Variants in CAMKK2 observed in about 807,000 individuals in gnomAD.
The protein encoded by CAMKK2 is calcium/calmodulin-dependent protein kinase kinase 2.
In CAMKK2, 30 loss-of-function variants were observed where a neutral mutation model predicts 67.2. That is an observed-to-expected ratio of 0.45 (90% CI 0.33 to 0.61). CAMKK2 has a LOEUF of 0.61. Among genes scored for constraint, CAMKK2 ranks in the 20% least tolerant of loss-of-function variants. The pLI, the probability that CAMKK2 is intolerant of heterozygous loss-of-function variation, is 0.02. For synonymous variants in CAMKK2, 322 were observed against 326.2 expected, an observed-to-expected ratio of 0.99 and a Z score of 0.14; for missense variants, 643 against 802.0, an observed-to-expected ratio of 0.80 and a Z score of 2.39.
chr12:121,244,351 T>C (rs1888975518), intron 16 of CAMKK2, among the ~76,000 whole-genome samples: 1 of 152,174 alleles, frequency 6.6e-6, no homozygotes, highest in African/African-American at 2.4e-5. Flanking sequence ...TGGAGCGCCA[T>C]GCACCCGCAG....
At chr12:121,263,379 C>T (rs1319269699) in intron 6 of CAMKK2, among the ~76,000 whole-genome samples, 1 of 152,112 alleles carries the variant, frequency 6.6e-6, no homozygotes, top group Non-Finnish European at 1.5e-5. Context: ...AGAGTGCTGT[C>T]ATTATAAGCG....
chr12:121,255,222 A>ATATATATAAAATTATATATATATAAT (rs1555250767), intron 9 of CAMKK2, among the ~76,000 whole-genome samples: 4 of 17,490 alleles, frequency 2.3e-4, no homozygotes, highest in East Asian at 1.3e-3. Context: ...ATATAATTTT[A>ATATATATAAAATTATATATATATAAT]TATATATATA....
Position 121,253,287 on chromosome 12 carries a change from T to C in CAMKK2, c.1093A>G (p.Ile365Val), listed in dbSNP as rs755340866. ...CCCAAGCTTACCTTCCCAGAGAAGA[T>C]CTTGCGGGTCTCAGAGAGCGACTCG... ...APESLSETRK[I>V]FSGKALDVWA... Residue 365 changes from isoleucine (I) to valine (V), a missense_variant, in exon 10 of 17, where the codon ATC becomes GTC. Ile to Val is a conservative substitution (Grantham distance 29, BLOSUM62 3). Coordinates refer to ENST00000404169, the MANE Select transcript of CAMKK2 (RefSeq NM_001270485.2). The surrounding 1 kb of genome is among the most constrained non-coding windows in gnomAD (Gnocchi z 5.0). 3.7e-6 allele frequency: 6 copies of C among 1,614,128 alleles called. No individual in the cohort carries two copies. Among genetic ancestry groups the C allele is most frequent in the South Asian group, 3.3e-5 (3 of 91,084 alleles).
chr12:121,255,220 TTA>T lies in CAMKK2; in HGVS notation c.907+328_907+329del, dbSNP rs1172075691. Reference sequence around the variant, plus strand: ...TATATATATAATTATATATATAATTTTATATATATATAATTTTATATATATAT... The same window carrying T: ...TATATATATAATTATATATATAATTTTATATATATAATTTTATATATATAT... On this transcript the variant is annotated intron_variant, in intron 9 of 16. Coordinates refer to ENST00000404169, the MANE Select transcript of CAMKK2 (RefSeq NM_001270485.2). Among the ~76,000 whole-genome samples the T allele has an allele frequency of 1.7e-3, 10 of 5,852 alleles. 2 individuals carry two copies. The highest frequency in any genetic ancestry group is 0.018 in the South Asian group (1 of 56). The allele number at this position is 5,852 out of a possible 152,430, so 3.8% of individuals were successfully genotyped here. A position where few individuals can be genotyped will look rare whatever the true frequency, so the allele number is the denominator to read the frequency against.
chr12:121,244,406 G>C (rs1888993168), intron 16 of CAMKK2, among the ~76,000 whole-genome samples, 167 bp downstream of exon 16: 1 of 152,224 alleles, frequency 6.6e-6, no homozygotes, highest in African/African-American at 2.4e-5. Flanking sequence ...AAGCCCCCGA[G>C]GCCCCTCATT....
In CAMKK2 at chr12:121,239,007, C is replaced by A. The variant is rs201485999; in HGVS notation, c.*1692G>T. The A allele has an allele frequency of 6.6e-6, 1 of 152,550 alleles. No individual in the cohort carries two copies. Among genetic ancestry groups the A allele is most frequent in the Non-Finnish European group, 1.5e-5 (1 of 68,064 alleles). The allele number at this position is 152,550 out of a possible 1,614,324, so 9.4% of individuals were successfully genotyped here. ...CTACCTGTCCTTTGCTCTTCAAAACCAGCATTCCCTAATTCTGAACTGCTT... is the reference window on the plus strand; with the variant it reads ...CTACCTGTCCTTTGCTCTTCAAAACAAGCATTCCCTAATTCTGAACTGCTT... On this transcript the variant is annotated 3_prime_UTR_variant, in exon 17 of 17. Coordinates refer to ENST00000404169, the MANE Select transcript of CAMKK2 (RefSeq NM_001270485.2).
chr12:121,289,373 G>A (rs1162420601), intron 1 of CAMKK2, among the ~76,000 whole-genome samples: 2 of 152,102 alleles, frequency 1.3e-5, no homozygotes, highest in East Asian at 1.9e-4. Context: ...AGCAGCCAGG[G>A]GTCTTCCCTA....
intron 5 of CAMKK2, among the ~76,000 whole-genome samples, chr12:121,268,238 C>T (rs1895043919): frequency 6.6e-6 from 1 of 151,690 alleles, no homozygotes; most frequent in Non-Finnish European, 1.5e-5. Flanking sequence ...CATACAAGCT[C>T]CTAGGTGAAC....
chr12:121,257,568 A>C (rs1480308284), intron 7 of CAMKK2, among the ~76,000 whole-genome samples: 1 of 152,096 alleles, frequency 6.6e-6, no homozygotes, highest in Non-Finnish European at 1.5e-5. Flanking sequence ...GTTGTTTCAA[A>C]GCTCTCCAAG....
chr12:121,270,538 C>G (rs1334594491), intron 3 of CAMKK2, among the ~76,000 whole-genome samples: 1 of 152,112 alleles, frequency 6.6e-6, no homozygotes, highest in Non-Finnish European at 1.5e-5. Context: ...TTGTTTTCTA[C>G]TGGCATTTGG....
chr12:121,264,810 A>AATAATC (rs1241003532), intron 5 of CAMKK2, among the ~76,000 whole-genome samples: 1 of 147,462 alleles, frequency 6.8e-6, no homozygotes, highest in Non-Finnish European at 1.5e-5. Flanking sequence ...TAATAATAAT[A>AATAATC]ATCACAAAAA....
chr12:121,246,990 G>A (rs547320374), intron 14 of CAMKK2, among the ~76,000 whole-genome samples: 56 of 152,096 alleles, frequency 3.7e-4, no homozygotes, highest in Non-Finnish European at 7.5e-4. Context: ...GTATCTACCC[G>A]CCCATCCCTG....
intron 4 of CAMKK2, 79 bp from the exon 5 acceptor site, chr12:121,268,768 G>T: frequency 1.4e-6 from 2 of 1,397,978 alleles, no homozygotes; most frequent in Non-Finnish European, 1.0e-6. Flanking sequence ...GGGCGCAGTC[G>T]GGGTTCCTCT....
chr12:121,240,764 G>C lies in CAMKK2; in HGVS notation c.1702C>G (p.Pro568Ala), dbSNP rs201361901. The change falls in exon 17 of 17, where the codon CCC becomes GCC. Residue 568 changes from proline (P) to alanine (A), a missense_variant. Pro to Ala is a conservative substitution (Grantham distance 27). This residue lies in a region of CAMKK2 where 140 missense variants were observed against 124.2 expected (regional missense o/e 1.13). Coordinates refer to ENST00000404169, the MANE Select transcript of CAMKK2 (RefSeq NM_001270485.2). This position sits in a 1 kb window ranked among gnomAD's most constrained non-coding sequence, Gnocchi z 4.4. ...GSPCVESCWA[P>A]APGSPARMHP... ...ATGCGTGCGGGGGAGCCGGGGGCGG[G>C]GGCCCAGCAACTTTCCACGCAGGGA... 4 of 1,608,642 alleles carry C rather than the reference G, an allele frequency of 2.5e-6. No individual in the cohort carries two copies. In the Admixed American group the frequency reaches 6.8e-5, roughly 28 times the overall value.
intron 1 of CAMKK2, among the ~76,000 whole-genome samples, chr12:121,276,337 G>A (rs1273471606): frequency 6.6e-6 from 1 of 151,284 alleles, no homozygotes; most frequent in Non-Finnish European, 1.5e-5. Flanking sequence ...GCATGGTGGT[G>A]GGCACCTGTA....
rs547198220 is a variant in CAMKK2 at position 121,242,781 on chromosome 12, C to T, written c.1596+1792G>A. The stretch of plus-strand genomic sequence containing the variant: ...TTTTTGAGACGGAGTCTCGCTCTGT[C>T]GCCCAGGCTGGAGTGCTGTGGCGCA... On this transcript the variant is annotated intron_variant, in intron 16 of 16. Coordinates refer to ENST00000404169, the MANE Select transcript of CAMKK2 (RefSeq NM_001270485.2). Among the ~76,000 whole-genome samples the T allele has an allele frequency of 6.6e-5, 10 of 152,178 alleles. No homozygotes were observed. The South Asian group carries it at 1.7e-3, about 25-fold the overall frequency.
chr12:121,294,394 C>G (rs2136683940), intron 1 of CAMKK2, among the ~76,000 whole-genome samples: 1 of 152,298 alleles, frequency 6.6e-6, no homozygotes, highest in African/African-American at 2.4e-5. Context: ...AGGGTGGGAC[C>G]ACCCCCGGAT....
At chr12:121,284,632 G>GA (rs1392673964) in intron 1 of CAMKK2, among the ~76,000 whole-genome samples, 2 of 152,090 alleles carry the variant, frequency 1.3e-5, no homozygotes, top group African/African-American at 4.8e-5. Context: ...GCCGGGCTGA[G>GA]TTTTTCAGGA....
At chr12:121,273,783 A>T (rs1351011974) in intron 2 of CAMKK2, among the ~76,000 whole-genome samples, 1 of 151,904 alleles carries the variant, frequency 6.6e-6, no homozygotes, top group Non-Finnish European at 1.5e-5. Context: ...GGTCCCACGG[A>T]AGGAAAAAGC....
Sources: allele counts gnomAD v4.1 joint callset (sites outside exome capture counted in the v4.1 genomes callset), GRCh38; gene constraint gnomAD v4.1.1; regional missense constraint gnomAD v4.1.1; non-coding constraint Gnocchi (gnomAD v3.1); transcripts MANE v1.5; gene names NCBI Gene and HGNC (gene_info 2026-07-23, HGNC 2026-07-21).